DOK4: variants seen among roughly 807,000 people sequenced by gnomAD.
DOK4 encodes the protein docking protein 4, also known as downstream of tyrosine kinase 4.
In DOK4, 26 loss-of-function variants were observed where a neutral mutation model predicts 40.1. The observed-to-expected ratio is 0.65, with a 90% confidence interval of 0.48 to 0.90. The LOEUF is 0.90. Ranked by LOEUF, DOK4 falls within the 40% of genes least tolerant of loss-of-function variation. The pLI, the probability that DOK4 is intolerant of heterozygous loss-of-function variation, is 0.00. For missense variants in DOK4, 392 were observed against 437.2 expected (o/e 0.90, Z 0.92); for synonymous variants, 179 against 177.0 (o/e 1.01, Z -0.09).
At chr16:57,482,222 T>G (rs2031434230) in intron 1 of DOK4, among the ~76,000 whole-genome samples, 1 of 151,588 alleles carries the variant, frequency 6.6e-6, no homozygotes, top group Non-Finnish European at 1.5e-5. Context: ...AGTGCAGGGG[T>G]GCCATCACGG....
chr16:57,476,678 G>GATGGGT (rs1422347401), intron 2 of DOK4, among the ~76,000 whole-genome samples: 1 of 152,206 alleles, frequency 6.6e-6, no homozygotes, highest in East Asian at 1.9e-4. Context: ...CTCCAGCTGG[G>GATGGGT]AACCCAAAGC....
intron 2 of DOK4, among the ~76,000 whole-genome samples, chr16:57,476,463 G>A (rs1240374618): frequency 6.6e-6 from 1 of 152,154 alleles, no homozygotes; most frequent in Non-Finnish European, 1.5e-5. Context: ...TCTGGCCAGG[G>A]CTCAGGCAGT....
In DOK4 at chr16:57,485,543, G is replaced by A. The variant is rs1413152051; in HGVS notation, c.-182+762C>T. 6.6e-6 allele frequency among the ~76,000 whole-genome samples: 1 copy of A among 152,134 alleles called. No homozygotes were observed. Among genetic ancestry groups the A allele is most frequent in the Non-Finnish European group, 1.5e-5 (1 of 68,034 alleles). On this transcript the variant is annotated intron_variant, in intron 1 of 8. Coordinates refer to ENST00000340099, the Ensembl canonical transcript of DOK4. The surrounding 1 kb of genome is among the most constrained non-coding windows in gnomAD (Gnocchi z 4.3). ...ATACTGCCAGGCCCCTCGCTGCCCT[G>A]GCCATCAGACCCCTCCAACCCACAC...
chr16:57,475,246 A>G (rs2146629258), intron 4 of DOK4, 27 bp from the exon 5 acceptor site: 1 of 1,604,642 alleles, frequency 6.2e-7, no homozygotes, highest in Non-Finnish European at 8.5e-7. Flanking sequence ...TTCATCATGC[A>G]GCTCCAGAGC....
chr16:57,475,947 C>T, exon 3 of DOK4: 1 of 1,613,072 alleles, frequency 6.2e-7, no homozygotes. Flanking sequence ...CAGCCAGCAC[C>T]TCCGGTAGAT....
At chr16:57,482,437 G>A (rs2031444918) in intron 1 of DOK4, among the ~76,000 whole-genome samples, 1 of 146,348 alleles carries the variant, frequency 6.8e-6, no homozygotes, top group Non-Finnish European at 1.5e-5. Context: ...CCCAATCTCG[G>A]CTCATTGCAA....
Position 57,479,543 on chromosome 16 carries a change from G to T in DOK4, c.-36C>A. Reference sequence around the variant, plus strand: ...CCTTTTAGGGGCGCGGGGCCTGGCAGAGGCGAGGGGAAGGATGCCCAGGTG... The same window carrying T: ...CCTTTTAGGGGCGCGGGGCCTGGCATAGGCGAGGGGAAGGATGCCCAGGTG... On this transcript the variant is annotated 5_prime_UTR_variant, in exon 2 of 9. It adds an upstream start codon to the 5' untranslated region. Coordinates refer to ENST00000340099, the Ensembl canonical transcript of DOK4. This position sits in a 1 kb window ranked among gnomAD's most constrained non-coding sequence, Gnocchi z 5.8. 6.2e-7 allele frequency: 1 copy of T among 1,610,784 alleles called. No homozygotes were observed. Among genetic ancestry groups the T allele is most frequent in the Non-Finnish European group, 8.5e-7 (1 of 1,178,870 alleles).
intron 1 of DOK4, among the ~76,000 whole-genome samples, chr16:57,480,708 G>A (rs570675220): frequency 6.6e-6 from 1 of 152,260 alleles, no homozygotes; most frequent in African/African-American, 2.4e-5. Context: ...AGCAGGAAGT[G>A]GGAGTACCAG....
chr16:57,476,280 C>A (rs971452528), intron 2 of DOK4: 33 of 359,388 alleles, frequency 9.2e-5, no homozygotes, highest in South Asian at 1.7e-4. Flanking sequence ...TTCCTGCTCA[C>A]ACCTGTTATT....
intron 1 of DOK4, chr16:57,481,547 G>A (rs62039361): frequency 0.037 from 5,594 of 152,370 alleles, 139 homozygotes; most frequent in Middle Eastern, 0.092. Flanking sequence ...CTCAGAGCAA[G>A]GACCAGCTCA....
At chr16:57,477,830 C>T (rs371442277) in intron 2 of DOK4, among the ~76,000 whole-genome samples, 1 of 152,192 alleles carries the variant, frequency 6.6e-6, no homozygotes. Context: ...CAGCCTCTCA[C>T]ACCAGGGGAA....
At chr16:57,474,096 ATTAGT>A (rs768221030) in intron 6 of DOK4, 57 bp from the exon 7 acceptor site, 7 of 1,604,836 alleles carry the variant, frequency 4.4e-6, no homozygotes, top group Middle Eastern at 1.7e-4. Context: ...CATGCATGTG[ATTAGT>A]TAGGCTCTCT....
chr16:57,475,716 C>G (rs1246337022), intron 3 of DOK4, 96 bp from the exon 4 acceptor site: 6 of 739,118 alleles, frequency 8.1e-6, no homozygotes, highest in African/African-American at 7.7e-5. Context: ...CTCTCTCCCC[C>G]CTCCTCCTTC....
At chr16:57,487,178 G>C (rs2031562968), upstream of DOK4, 1 of 152,282 alleles carries the variant, frequency 6.6e-6, no homozygotes, top group Non-Finnish European at 1.5e-5. Flanking sequence ...GCCAGGCAGG[G>C]ACAAGAGAAG....
chr16:57,475,660 A>ATCTCTCTCTCTCTCTCTCTCTC (rs745508207), intron 3 of DOK4, 40 bp from the exon 4 acceptor site: 18 of 477,040 alleles, frequency 3.8e-5, no homozygotes, highest in African/African-American at 3.3e-4. Context: ...AGGCCAGTGC[A>ATCTCTCTCTCTCTCTCTCTCTC]TCTCTCTCTC....
chr16:57,473,793 C>T, intron 7 of DOK4, 57 bp from the exon 8 acceptor site: 1 of 1,587,522 alleles, frequency 6.3e-7, no homozygotes. Context: ...CCCTGAGCAG[C>T]CACCCCAAGA....
chr16:57,478,506 G>A (rs920608836), intron 2 of DOK4: 1 of 152,284 alleles, frequency 6.6e-6, no homozygotes, highest in African/African-American at 2.4e-5. Flanking sequence ...CAGTCACCAG[G>A]GCTGTCCTTC....
chr16:57,483,997 G>A (rs1289473473), intron 1 of DOK4: 1 of 152,340 alleles, frequency 6.6e-6, no homozygotes, highest in Admixed American at 6.5e-5. Context: ...CGCGCAGGGA[G>A]AGCCAGCTCC....
intron 2 of DOK4, 169 bp from the exon 3 acceptor site, chr16:57,476,126 G>A (rs1598051770): frequency 5.0e-6 from 3 of 605,390 alleles, no homozygotes; most frequent in East Asian, 5.6e-5. Context: ...CACCTCCCTG[G>A]GAGAGAAGCC....
Sources: allele counts gnomAD v4.1 joint callset (sites outside exome capture counted in the v4.1 genomes callset), GRCh38; gene constraint gnomAD v4.1.1; non-coding constraint Gnocchi (gnomAD v3.1); transcripts MANE v1.5; gene names NCBI Gene and HGNC (gene_info 2026-07-23, HGNC 2026-07-21).